Variants in ABLIM1 observed in about 807,000 individuals in gnomAD.
ABLIM1 encodes actin-binding LIM protein 1.
ABLIM1 carries 40 observed loss-of-function variants against 107.0 expected under a neutral mutation model. That is an observed-to-expected ratio of 0.37 (90% CI 0.29 to 0.49). The LOEUF (loss-of-function observed/expected upper bound fraction) is 0.49, where lower values mean the gene tolerates loss of function less well. Ranked by LOEUF, ABLIM1 falls within the 20% of genes least tolerant of loss-of-function variation. ABLIM1 has a pLI of 0.97. For synonymous variants in ABLIM1, 357 were observed against 357.3 expected, an observed-to-expected ratio of 1.00 and a Z score of 0.01; for missense variants, 857 against 1,008.5, an observed-to-expected ratio of 0.85 and a Z score of 2.04.
chr10:114,663,621 G>A (rs11814885), intron 1 of ABLIM1, among the ~76,000 whole-genome samples: 2 of 152,186 alleles, frequency 1.3e-5, no homozygotes, highest in Non-Finnish European at 2.9e-5. Context: ...ATATACAGCT[G>A]CAAGATATAA....
chr10:114,659,586 G>A (rs1414261392), upstream of ABLIM1, among the ~76,000 whole-genome samples: 1 of 152,126 alleles, frequency 6.6e-6, no homozygotes, highest in African/African-American at 2.4e-5. Context: ...TAAAGGTCAG[G>A]AACTTACATT....
chr10:114,707,934 CAA>C lies in ABLIM1; in HGVS notation c.-213+60125_-213+60126del, dbSNP rs533987850. On this transcript the variant is annotated intron_variant, in intron 1 of 15. Transcript: ENST00000651092. This position sits in a 1 kb window ranked among gnomAD's most constrained non-coding sequence, Gnocchi z 4.1. ...ACAAACAAACAAACAACAACAACAA[CAA>C]AAAACCTAATTACCAACAGTTTTCA... 6.8e-6 allele frequency among the ~76,000 whole-genome samples: 1 copy of C among 146,384 alleles called. No individual in the cohort carries two copies. Among genetic ancestry groups the C allele is most frequent in the African/African-American group, 2.8e-5 (1 of 36,224 alleles).
chr10:114,778,369 A>C, the ABLIM1 span: 1 of 152,158 alleles, frequency 6.6e-6, no homozygotes, highest in Non-Finnish European at 1.5e-5. Flanking sequence ...GTCTCAAAAA[A>C]CAACAACAAA....
chr10:114,663,116 T>A (rs567559259), upstream of ABLIM1, among the ~76,000 whole-genome samples: 1 of 152,364 alleles, frequency 6.6e-6, no homozygotes, highest in East Asian at 1.9e-4. Flanking sequence ...CTCTTCATCC[T>A]TCCCCTGCTT....
chr10:114,752,903 G>A (rs2082549009), intron 1 of ABLIM1, among the ~76,000 whole-genome samples: 1 of 152,150 alleles, frequency 6.6e-6, no homozygotes, highest in African/African-American at 2.4e-5. Context: ...ATGAATATAT[G>A]CGTGCAACAG....
At chr10:114,498,362 A>G (rs925126478) in intron 6 of ABLIM1, among the ~76,000 whole-genome samples, 1 of 152,222 alleles carries the variant, frequency 6.6e-6, no homozygotes, top group African/African-American at 2.4e-5. Flanking sequence ...AATGGAGTTT[A>G]ACCAATGATT....
At chr10:114,580,263 G>A (rs924533607) in intron 2 of ABLIM1, among the ~76,000 whole-genome samples, 4 of 151,310 alleles carry the variant, frequency 2.6e-5, no homozygotes, top group Middle Eastern at 3.4e-3. Context: ...ATGGAGTACA[G>A]TGGCATGATC....
At chr10:114,785,575 T>C in the ABLIM1 span, among the ~76,000 whole-genome samples, 1 of 152,046 alleles carries the variant, frequency 6.6e-6, no homozygotes, top group Non-Finnish European at 1.5e-5. Flanking sequence ...AAATAGATAA[T>C]TGAGGTCCTA....
chr10:114,447,366 T>C (rs767654176), intron 15 of ABLIM1, among the ~76,000 whole-genome samples: 3 of 152,216 alleles, frequency 2.0e-5, no homozygotes, highest in Non-Finnish European at 4.4e-5. Flanking sequence ...AATAGCCCTT[T>C]TGCATGATGG....
chr10:114,565,109 A>T (rs118036319), intron 4 of ABLIM1, among the ~76,000 whole-genome samples: 1 of 152,108 alleles, frequency 6.6e-6, no homozygotes, highest in Non-Finnish European at 1.5e-5. Context: ...CTTGTCCAGA[A>T]CCCCTACTCT....
the ABLIM1 span, among the ~76,000 whole-genome samples, chr10:114,784,365 G>GAAAGA: frequency 6.9e-6 from 1 of 144,662 alleles, no homozygotes; most frequent in African/African-American, 2.6e-5. Context: ...AAGAAAGAAA[G>GAAAGA]AAAGAAAGAA....
At chr10:114,786,891 G>A in the ABLIM1 span, among the ~76,000 whole-genome samples, 2 of 152,170 alleles carry the variant, frequency 1.3e-5, no homozygotes, top group African/African-American at 2.4e-5. Flanking sequence ...AAAGTGTGGA[G>A]ATTGCAGCCT....
intron 1 of ABLIM1, among the ~76,000 whole-genome samples, chr10:114,708,767 T>G (rs753058538): frequency 6.6e-6 from 1 of 152,188 alleles, no homozygotes; most frequent in Non-Finnish European, 1.5e-5. Flanking sequence ...GGGTCAGTTT[T>G]TTAATGCTTG....
chr10:114,673,119 G>A (rs755444902), intron 1 of ABLIM1, among the ~76,000 whole-genome samples: 25 of 151,904 alleles, frequency 1.6e-4, no homozygotes, highest in East Asian at 5.8e-4. Flanking sequence ...TTAGCCAGTC[G>A]TGGTGGTGCA....
In ABLIM1 at chr10:114,465,738, A is replaced by G. The variant is rs773762549; in HGVS notation, c.1401T>C (p.Thr467=). Residue 467 remains threonine (T), a synonymous_variant, in exon 12 of 23, where the codon ACT becomes ACC. Coordinates refer to ENST00000533213, the MANE Select transcript of ABLIM1 (RefSeq NM_002313.7). Reference sequence around the variant, plus strand: ...GCTGGGGAGAGCGGGACGTGGTTGGAGTGTAGCTGTGGCGGCTGTACACAG... The same window carrying G: ...GCTGGGGAGAGCGGGACGTGGTTGGGGTGTAGCTGTGGCGGCTGTACACAG... ...NSPVYSRHSY[T]PTTSRSPQHF... 5 of 1,614,166 alleles carry G rather than the reference A, an allele frequency of 3.1e-6. No homozygotes were observed. The highest frequency in any genetic ancestry group is 1.7e-5 in the Admixed American group (1 of 60,028).
At chr10:114,791,567 G>A in the ABLIM1 span, among the ~76,000 whole-genome samples, 3 of 151,918 alleles carry the variant, frequency 2.0e-5, no homozygotes, top group Non-Finnish European at 4.4e-5. Flanking sequence ...GAACCTGGGA[G>A]GGGGAGCTTG....
chr10:114,781,135 T>C, the ABLIM1 span, among the ~76,000 whole-genome samples: 1 of 152,192 alleles, frequency 6.6e-6, no homozygotes, highest in Admixed American at 6.5e-5. Flanking sequence ...TAATGTTATA[T>C]AAGTTGTGTA....
intron 8 of ABLIM1, among the ~76,000 whole-genome samples, chr10:114,484,571 C>CG (rs201244088): frequency 0.033 from 5,063 of 152,068 alleles, 234 homozygotes; most frequent in African/African-American, 0.11. Flanking sequence ...TTAGTGGAGA[C>CG]GGGGTTTCAC....
At chr10:114,640,187 A>G (rs2078674356) in intron 1 of ABLIM1, among the ~76,000 whole-genome samples, 1 of 152,204 alleles carries the variant, frequency 6.6e-6, no homozygotes, top group African/African-American at 2.4e-5. Context: ...AATAAGTCAA[A>G]GGTAGAGAAC....
Sources: allele counts gnomAD v4.1 joint callset (sites outside exome capture counted in the v4.1 genomes callset), GRCh38; gene constraint gnomAD v4.1.1; non-coding constraint Gnocchi (gnomAD v3.1); transcripts MANE v1.5; gene names NCBI Gene and HGNC (gene_info 2026-07-23, HGNC 2026-07-21).